Variants in KDM3A observed in about 807,000 individuals in gnomAD.
KDM3A encodes lysine demethylase 3A.
In KDM3A, 60 loss-of-function variants were observed where a neutral mutation model predicts 158.0. That is an observed-to-expected ratio of 0.38 (90% CI 0.31 to 0.47). The LOEUF is 0.47. Among genes scored for constraint, KDM3A ranks in the 20% least tolerant of loss-of-function variants. The pLI is 0.99. For missense variants in KDM3A, 1,319 were observed against 1,574.3 expected (o/e 0.84, Z 2.74); for synonymous variants, 608 against 549.3 (o/e 1.11, Z -1.49).
At chr2:86,453,200 T>C (rs1302681017) in intron 4 of KDM3A, among the ~76,000 whole-genome samples, 1 of 152,186 alleles carries the variant, frequency 6.6e-6, no homozygotes, top group Non-Finnish European at 1.5e-5. Context: ...GAGCCATCAG[T>C]GTGAATGTTG....
chr2:86,468,053 C>T (rs765796767), intron 10 of KDM3A, among the ~76,000 whole-genome samples: 9 of 152,068 alleles, frequency 5.9e-5, no homozygotes, highest in Non-Finnish European at 1.2e-4. Context: ...AAACAACCTA[C>T]GAAAACAATT....
At chr2:86,453,542 C>G (rs1409879806) in intron 4 of KDM3A, among the ~76,000 whole-genome samples, 1 of 152,148 alleles carries the variant, frequency 6.6e-6, no homozygotes. Context: ...TCGTTAAGCC[C>G]TAAACTCTCC....
intron 8 of KDM3A, among the ~76,000 whole-genome samples, chr2:86,460,564 C>T (rs892776142): frequency 3.3e-5 from 5 of 152,188 alleles, no homozygotes; most frequent in African/African-American, 1.2e-4. Context: ...GTAGGCAAGA[C>T]TCTTGACTGT....
upstream of KDM3A, among the ~76,000 whole-genome samples, chr2:86,439,916 T>G (rs1682594952): frequency 2.0e-5 from 3 of 152,214 alleles, no homozygotes; most frequent in South Asian, 6.2e-4. Flanking sequence ...CTTCCTGTTT[T>G]GTAAGCATTT....
In KDM3A at chr2:86,464,033, G is replaced by A. The variant is rs898523994; in HGVS notation, c.844-20G>A. ...AACTAGGGACTTCCTTTTAATATCT[G>A]TTGGTTTGGTATCTTCTAGGCCTCT... On this transcript the variant is annotated intron_variant, in intron 8 of 25. Coordinates refer to ENST00000312912, the MANE Select transcript of KDM3A (RefSeq NM_018433.6). 6.7e-7 allele frequency: 1 copy of A among 1,490,076 alleles called. No individual in the cohort carries two copies. Among genetic ancestry groups the A allele is most frequent in the African/African-American group, 1.4e-5 (1 of 70,212 alleles). 92.3% of individuals were successfully genotyped at this position (1,490,076 alleles called of 1,614,324 possible).
chr2:86,461,299 C>T (rs910474178), intron 8 of KDM3A, among the ~76,000 whole-genome samples: 2 of 152,194 alleles, frequency 1.3e-5, no homozygotes, highest in Non-Finnish European at 2.9e-5. Flanking sequence ...CTCCTTCCCT[C>T]TGTTCCTCCA....
intron 4 of KDM3A, among the ~76,000 whole-genome samples, chr2:86,454,680 A>C (rs2104639513): frequency 6.6e-6 from 1 of 152,054 alleles, no homozygotes; most frequent in South Asian, 2.1e-4. Context: ...TGTGTGTCAT[A>C]TCTGTGTTTT....
intron 25 of KDM3A, chr2:86,491,685 A>C (rs1420114291): frequency 3.2e-6 from 1 of 308,110 alleles, no homozygotes; most frequent in African/African-American, 2.1e-5. Context: ...TGGTATTTTC[A>C]AAAGGATTTC....
At position 86,466,721 on chromosome 2, in the gene KDM3A, C is replaced by G. The variant is rs755192037; in HGVS notation, c.1357C>G (p.Pro453Ala). Residue 453 changes from proline to alanine, a missense_variant, in exon 10 of 26, where the codon CCA becomes GCA. Around this residue, in one of 4 missense-constraint regions of KDM3A, gnomAD observed 652 missense variants for 627.2 expected, o/e 1.04. Transcript: ENST00000312912. ...APSPSDVSNA[P>A]EVKAGVNSDS... ...TTCCCCATCGGATGTTTCAAATGCA[C>G]CAGAAGTGAAAGCAGGTGTCAATAG... The G allele has an allele frequency of 6.2e-7, 1 of 1,613,874 alleles. No individual in the cohort carries two copies. Among genetic ancestry groups the G allele is most frequent in the Non-Finnish European group, 8.5e-7 (1 of 1,179,854 alleles).
intron 2 of KDM3A, 156 bp downstream of exon 2, chr2:86,442,389 G>A (rs1682765271): frequency 2.8e-6 from 2 of 713,576 alleles, no homozygotes; most frequent in Non-Finnish European, 4.5e-6. Flanking sequence ...TCTTTGGAAT[G>A]GTTGTATAGA....
In KDM3A at chr2:86,478,013, A is replaced by G; in HGVS notation, c.2076A>G (p.Arg692=). The change falls in exon 13 of 26, where the codon AGA becomes AGG. Residue 692 remains arginine, a synonymous_variant. Transcript: ENST00000312912. The part of the protein sequence containing the change: ...GVCVDCYRMK[R]KNCQQGAAYK... ...GTGTGGACTGCTACCGGATGAAGAG[A>G]AAGAATTGCCAACAGGGTGAGAACC... is the stretch of plus-strand genomic sequence containing the variant. 1.9e-6 allele frequency: 3 copies of G among 1,614,092 alleles called. No homozygotes were observed. The highest frequency in any genetic ancestry group is 2.5e-6 in the Non-Finnish European group (3 of 1,180,006).
chr2:86,464,114 T>C lies in KDM3A; in HGVS notation c.905T>C (p.Leu302Pro). 6.2e-7 allele frequency: 1 copy of C among 1,612,784 alleles called. No individual in the cohort carries two copies. The highest frequency in any genetic ancestry group is 8.5e-7 in the Non-Finnish European group (1 of 1,179,104). The stretch of plus-strand genomic sequence containing the variant: ...ACAACAGTTTTTAAGGAGATACTGC[T>C]TGGCTGTACTGCGGCAACTCCACCT... ...VPTTVFKEIL[L>P]GCTAATPPSK... The change falls in exon 9 of 26, where the codon CTT becomes CCT. Residue 302 changes from leucine (L) to proline (P), a missense_variant. Physicochemically the swap from Leu to Pro is moderately conservative, Grantham distance 98. Around this residue, in one of 4 missense-constraint regions of KDM3A, gnomAD observed 652 missense variants for 627.2 expected, o/e 1.04. Coordinates refer to ENST00000312912, the MANE Select transcript of KDM3A (RefSeq NM_018433.6).
chr2:86,445,524 C>T (rs1682920898), intron 2 of KDM3A, among the ~76,000 whole-genome samples: 1 of 152,080 alleles, frequency 6.6e-6, no homozygotes, highest in Non-Finnish European at 1.5e-5. Context: ...GCTTCCTTAA[C>T]TTGTCCTTTT....
Position 86,485,822 on chromosome 2 carries a change from T to A in KDM3A, c.3276T>A (p.Val1092=). ...NLASRLPNYF[V]RPDLGPKMYN... ...CCTCTAGGCTGCCAAACTACTTTGT[T>A]CGGCCAGATCTGGGCCCCAAGATGT... The change falls in exon 21 of 26, where the codon GTT becomes GTA. Residue 1092 remains valine (V), a synonymous_variant. Transcript: ENST00000312912. 6.2e-7 allele frequency: 1 copy of A among 1,614,144 alleles called. No homozygotes were observed. Among genetic ancestry groups the A allele is most frequent in the South Asian group, 1.1e-5 (1 of 91,074 alleles).
Position 86,484,984 on chromosome 2 carries a change from A to C in KDM3A, c.3137A>C (p.Lys1046Thr), listed in dbSNP as rs1674112732. 6.2e-7 allele frequency: 1 copy of C among 1,609,966 alleles called. No homozygotes were observed. Among genetic ancestry groups the C allele is most frequent in the Admixed American group, 1.7e-5 (1 of 59,992 alleles). ...NEKEPMVLKL[K>T]DWPPGEDFRD... is the part of the protein sequence containing the mutation. ...AAAGAACCAATGGTGTTGAAACTTA[A>C]GGACTGGCCACCAGGAGAAGATTTT... The change falls in exon 20 of 26, where the codon AAG becomes ACG. Residue 1046 changes from lysine (K) to threonine (T), a missense_variant. Transcript: ENST00000312912.
upstream of KDM3A, chr2:86,441,082 G>C (rs1427954526): frequency 1.3e-5 from 2 of 152,334 alleles, no homozygotes; most frequent in Non-Finnish European, 2.9e-5. Context: ...ATACTGTGAG[G>C]CAACAAATGG....
intron 16 of KDM3A, among the ~76,000 whole-genome samples, chr2:86,481,241 A>T (rs1313345019): frequency 6.6e-6 from 1 of 152,114 alleles, no homozygotes; most frequent in Non-Finnish European, 1.5e-5. Context: ...GAATTTTTTT[A>T]AAAATTTGTT....
upstream of KDM3A, among the ~76,000 whole-genome samples, chr2:86,438,580 A>C (rs2104607591): frequency 6.6e-6 from 1 of 152,166 alleles, no homozygotes; most frequent in African/African-American, 2.4e-5. Context: ...ATGTATATCT[A>C]TACCAAAACA....
rs770149050 is a variant in KDM3A, at chr2:86,492,079, C to G, written c.3926C>G (p.Ala1309Gly). The change falls in exon 26 of 26, where the codon GCT becomes GGT. Residue 1309 changes from alanine (A) to glycine (G), a missense_variant. Ala to Gly is a moderately conservative substitution (Grantham distance 60). This residue lies in a region of KDM3A where 186 missense variants were observed against 340.9 expected (regional missense o/e 0.55). Transcript: ENST00000312912. ...TACCATGCAGTGAAAGATGCAGTTG[C>G]TATGCTGAAAGCCAGTGAATCCAGT... ...VIYHAVKDAV[A>G]MLKASESSFG... 6.2e-7 allele frequency: 1 copy of G among 1,613,564 alleles called. No individual in the cohort carries two copies. Among genetic ancestry groups the G allele is most frequent in the East Asian group, 2.2e-5 (1 of 44,862 alleles).
Sources: gnomAD v4.1 joint callset for allele counts (sites outside exome capture counted in the v4.1 genomes callset) on GRCh38, gnomAD v4.1.1 for gene constraint, gnomAD v4.1.1 regional missense constraint, MANE v1.5 for transcripts, NCBI Gene and HGNC (gene_info 2026-07-23, HGNC 2026-07-21) for gene names.